LIMCH1: variants seen among roughly 807,000 people sequenced by gnomAD.
LIMCH1 encodes LIM and calponin homology domains-containing protein 1.
A neutral mutation model predicts 176.5 loss-of-function variants in LIMCH1; 113 were observed. The observed-to-expected ratio is 0.64, with a 90% CI of 0.55 to 0.75. The LOEUF (loss-of-function observed/expected upper bound fraction) is 0.75, where lower values mean the gene tolerates loss of function less well. Ranked by LOEUF, LIMCH1 falls within the 30% of genes least tolerant of loss-of-function variation. LIMCH1 has a pLI of 0.00. For synonymous variants in LIMCH1, 619 were observed against 645.9 expected (o/e 0.96, Z 0.63); for missense variants, 1,674 against 1,814.9 (o/e 0.92, Z 1.41).
At chr4:41,486,167 T>C (rs908689893) in intron 1 of LIMCH1, among the ~76,000 whole-genome samples, 3 of 152,190 alleles carry the variant, frequency 2.0e-5, no homozygotes, top group Admixed American at 2.0e-4. Context: ...TACTGGCCCC[T>C]GAATGCTTCT....
intron 1 of LIMCH1, among the ~76,000 whole-genome samples, chr4:41,557,546 CTGTGTGTG>C (rs34757433): frequency 6.8e-6 from 1 of 147,732 alleles, no homozygotes; most frequent in African/African-American, 2.5e-5. Context: ...TTTATTGCCT[CTGTGTGTG>C]TGTGTGTGTG....
intron 1 of LIMCH1, among the ~76,000 whole-genome samples, chr4:41,405,052 T>A (rs1174665482): frequency 3.9e-5 from 6 of 152,198 alleles, no homozygotes; most frequent in African/African-American, 1.4e-4. Context: ...GAGCAGCCTT[T>A]TGTTTGCATG....
intron 1 of LIMCH1, among the ~76,000 whole-genome samples, chr4:41,403,307 A>G (rs2058653485): frequency 6.6e-6 from 1 of 152,150 alleles, no homozygotes; most frequent in Non-Finnish European, 1.5e-5. Flanking sequence ...CACGCCGGGC[A>G]CGGTGGTTCA....
chr4:41,691,893 A>G (rs1276234572), intron 30 of LIMCH1, among the ~76,000 whole-genome samples: 3 of 152,208 alleles, frequency 2.0e-5, no homozygotes, highest in Admixed American at 2.0e-4. Context: ...CTCATTGGCC[A>G]TGTGTTTATT....
chr4:41,637,573 T>TAA (rs927041840), intron 13 of LIMCH1, among the ~76,000 whole-genome samples: 11 of 152,220 alleles, frequency 7.2e-5, no homozygotes, highest in African/African-American at 2.7e-4. Flanking sequence ...AGGTTCAACT[T>TAA]AAGCACCTTC....
chr4:41,533,070 A>G (rs1183420993), intron 3 of LIMCH1, among the ~76,000 whole-genome samples: 1 of 152,154 alleles, frequency 6.6e-6, no homozygotes, highest in East Asian at 1.9e-4. Context: ...CTGTTGGCCA[A>G]AGCCATCCTT....
chr4:41,633,891 A>AG, intron 13 of LIMCH1, 83 bp downstream of exon 13: 6 of 1,362,652 alleles, frequency 4.4e-6, no homozygotes, highest in Non-Finnish European at 4.9e-6. Context: ...ATGGCACCTC[A>AG]GTGCCGCTTA....
At chr4:41,583,341 T>TC (rs1225331983) in intron 1 of LIMCH1, among the ~76,000 whole-genome samples, 14 of 152,102 alleles carry the variant, frequency 9.2e-5, no homozygotes, top group African/African-American at 3.4e-4. Flanking sequence ...TCTCCTCTCT[T>TC]CCCCCCTCCA....
intron 1 of LIMCH1, among the ~76,000 whole-genome samples, chr4:41,423,105 A>C (rs759071949): frequency 5.3e-5 from 8 of 152,304 alleles, no homozygotes; most frequent in Admixed American, 2.0e-4. Context: ...CCACAATGAA[A>C]TCAATGAATG....
intron 1 of LIMCH1, among the ~76,000 whole-genome samples, chr4:41,565,880 C>T (rs1486093094): frequency 6.6e-6 from 1 of 152,178 alleles, no homozygotes; most frequent in Non-Finnish European, 1.5e-5. Context: ...CTGATAATAA[C>T]CACTACAAGC....
At chr4:41,538,569 T>A (rs1448135980) in intron 1 of LIMCH1, among the ~76,000 whole-genome samples, 4 of 151,718 alleles carry the variant, frequency 2.6e-5, no homozygotes, top group South Asian at 2.1e-4. Context: ...TTTTTTTTTT[T>A]AATTCCCTAA....
intron 1 of LIMCH1, among the ~76,000 whole-genome samples, chr4:41,397,985 C>CT (rs888425367): frequency 5.7e-4 from 86 of 152,008 alleles, no homozygotes; most frequent in African/African-American, 2.0e-3. Flanking sequence ...GTACCCTGCT[C>CT]TTTAAGTTAG....
intron 14 of LIMCH1, among the ~76,000 whole-genome samples, chr4:41,642,350 G>A (rs754982829): frequency 2.4e-4 from 37 of 151,952 alleles, no homozygotes; most frequent in Middle Eastern, 3.4e-3. Context: ...AGAATGGGAC[G>A]AATTTTTGTG....
At chr4:41,672,136 G>A (rs534230162) in intron 22 of LIMCH1, among the ~76,000 whole-genome samples, 2 of 152,236 alleles carry the variant, frequency 1.3e-5, no homozygotes, top group South Asian at 2.1e-4. Flanking sequence ...TTGGGAGACC[G>A]AGGTAGGTGG....
At chr4:41,582,335 T>C (rs927640611) in intron 1 of LIMCH1, among the ~76,000 whole-genome samples, 2 of 152,202 alleles carry the variant, frequency 1.3e-5, no homozygotes, top group Non-Finnish European at 2.9e-5. Flanking sequence ...TGGAAGATGG[T>C]ACTGAAGCTG....
chr4:41,445,178 A>G (rs2063158298), intron 1 of LIMCH1, among the ~76,000 whole-genome samples: 1 of 151,858 alleles, frequency 6.6e-6, no homozygotes, highest in Non-Finnish European at 1.5e-5. Flanking sequence ...GCTAATTTTT[A>G]TATTTTTAGT....
chr4:41,661,268 C>G (rs2094607907), intron 18 of LIMCH1, 152 bp from the exon 19 acceptor site: 1 of 635,644 alleles, frequency 1.6e-6, no homozygotes. Flanking sequence ...TCCAACCAAT[C>G]CAGGCTCTCG....
exon 3 of LIMCH1, chr4:41,524,419 G>A (rs747903635): frequency 1.2e-6 from 2 of 1,613,770 alleles, no homozygotes; most frequent in Non-Finnish European, 1.7e-6. Flanking sequence ...GTTGCTGAAT[G>A]CTATAAAGCC....
chr4:41,672,719 T>C (rs2095091422), intron 22 of LIMCH1, among the ~76,000 whole-genome samples: 1 of 152,250 alleles, frequency 6.6e-6, no homozygotes, highest in Non-Finnish European at 1.5e-5. Flanking sequence ...TCTCAGGCCT[T>C]GTTCGCCCTC....
Sources: gnomAD v4.1 joint callset for allele counts (sites outside exome capture counted in the v4.1 genomes callset) on GRCh38, gnomAD v4.1.1 for gene constraint, MANE v1.5 for transcripts, NCBI Gene and HGNC (gene_info 2026-07-23, HGNC 2026-07-21) for gene names.